TRDN: variants seen among roughly 807,000 people sequenced by gnomAD.
TRDN encodes triadin in skeletal muscle.
Under a neutral mutation model 149.7 loss-of-function variants are expected in TRDN, and 161 were observed. That is an observed-to-expected ratio of 1.08 (90% CI 0.95 to 1.23). TRDN has a LOEUF of 1.23. TRDN is among the 50% of genes most tolerant of loss of function. The pLI is 0.00. For synonymous variants in TRDN, 294 were observed against 250.5 expected (o/e 1.17, Z -1.64); for missense variants, 896 against 823.5 (o/e 1.09, Z -1.08).
At chr6:123,338,598 A>G (rs1779957024) in intron 21 of TRDN, among the ~76,000 whole-genome samples, 3 of 152,284 alleles carry the variant, frequency 2.0e-5, no homozygotes, top group Non-Finnish European at 4.4e-5. Context: ...CTTCACATCC[A>G]GGAGTCAGTG....
intron 20 of TRDN, 67 bp from the exon 21 acceptor site, chr6:123,352,653 C>T (rs1191580186): frequency 6.5e-7 from 1 of 1,536,540 alleles, no homozygotes; most frequent in Admixed American, 2.3e-5. Context: ...TCAAAAAAAG[C>T]ATTTTGGAGT....
At chr6:123,254,032 C>A (rs73549394) in intron 37 of TRDN, among the ~76,000 whole-genome samples, 3,053 of 152,134 alleles carry the variant, frequency 0.02, 89 homozygotes, top group South Asian at 0.077. Context: ...GTTAGATTTT[C>A]TCTTATTGCA....
At chr6:123,495,118 C>G (rs903108366) in intron 9 of TRDN, among the ~76,000 whole-genome samples, 2 of 152,180 alleles carry the variant, frequency 1.3e-5, no homozygotes, top group Admixed American at 1.3e-4. Flanking sequence ...GCCATCATAG[C>G]TCACACACCC....
At chr6:123,442,667 G>A (rs552623460) in intron 10 of TRDN, among the ~76,000 whole-genome samples, 2 of 150,910 alleles carry the variant, frequency 1.3e-5, no homozygotes, top group East Asian at 3.9e-4. Flanking sequence ...ATAATGACAA[G>A]CTATTACTAT....
chr6:123,603,247 G>A (rs1329979133), intron 1 of TRDN, among the ~76,000 whole-genome samples: 3 of 97,682 alleles, frequency 3.1e-5, no homozygotes, highest in Non-Finnish European at 5.3e-5. Context: ...TTATCTCAGA[G>A]GCCACAGGAA....
intron 23 of TRDN, among the ~76,000 whole-genome samples, chr6:123,325,219 A>C (rs1347084084): frequency 1.3e-5 from 2 of 152,128 alleles, no homozygotes; most frequent in South Asian, 4.2e-4. Flanking sequence ...TTCAGCATAA[A>C]AATCTTGGCT....
intron 14 of TRDN, among the ~76,000 whole-genome samples, chr6:123,385,434 A>G (rs57493646): frequency 0.6 from 83,760 of 139,860 alleles, 24,680 homozygotes; most frequent in Middle Eastern, 0.7. Context: ...AAAAAAAAAA[A>G]GAAAAAAAAA....
chr6:123,285,193 C>G (rs370692663), intron 24 of TRDN, among the ~76,000 whole-genome samples: 8 of 151,768 alleles, frequency 5.3e-5, no homozygotes, highest in African/African-American at 1.9e-4. Flanking sequence ...AAAAAAAATC[C>G]TAGAATTCAT....
At chr6:123,476,704 A>G (rs903534102) in intron 9 of TRDN, among the ~76,000 whole-genome samples, 3 of 147,328 alleles carry the variant, frequency 2.0e-5, no homozygotes, top group East Asian at 2.1e-4. Context: ...ACTGGTACCA[A>G]AACAGAGATA....
rs77864630 is a variant in TRDN, at chr6:123,550,987, A to G, written c.233-2375T>C. Among the ~76,000 whole-genome samples the G allele has an allele frequency of 2.7e-3, 410 of 151,782 alleles. 5 individuals carry two copies. The highest frequency in any genetic ancestry group is 9.6e-3 in the African/African-American group (396 of 41,374). ...AAAAGAATCATATGTAAGGAACTGG[A>G]TTGTTCTGGCACCATTAAAGGCATT... On this transcript the variant is annotated intron_variant, in intron 2 of 40. Coordinates refer to ENST00000334268, the MANE Select transcript of TRDN (RefSeq NM_006073.4).
chr6:123,223,517 A>G (rs910386391), intron 39 of TRDN, among the ~76,000 whole-genome samples: 1 of 151,802 alleles, frequency 6.6e-6, no homozygotes, highest in Non-Finnish European at 1.5e-5. Flanking sequence ...TCAGAAAAAA[A>G]ATCAAGTTAG....
chr6:123,464,166 A>G (rs892298809), intron 10 of TRDN: 28 of 732,416 alleles, frequency 3.8e-5, no homozygotes, highest in South Asian at 6.2e-5. Flanking sequence ...CTGAATCCCC[A>G]GTATTTTGGA....
intron 25 of TRDN, 140 bp from the exon 26 acceptor site, chr6:123,278,487 T>C: frequency 2.0e-6 from 1 of 509,034 alleles, no homozygotes; most frequent in Non-Finnish European, 3.0e-6. Context: ...GAAAAGTTCA[T>C]GTCATATTAA....
At chr6:123,438,623 ATTAG>A (rs1774716584) in intron 11 of TRDN, among the ~76,000 whole-genome samples, 1 of 152,138 alleles carries the variant, frequency 6.6e-6, no homozygotes, top group South Asian at 2.1e-4. Flanking sequence ...ATTAGACTGA[ATTAG>A]TTAAATAGTA....
At chr6:123,565,787 G>C (rs921079059) in intron 2 of TRDN, among the ~76,000 whole-genome samples, 10 of 152,186 alleles carry the variant, frequency 6.6e-5, no homozygotes, top group African/African-American at 1.7e-4. Flanking sequence ...CCAAATCCTG[G>C]CCAGGTGCGC....
At chr6:123,307,866 C>G (rs1454350096) in intron 24 of TRDN, among the ~76,000 whole-genome samples, 1 of 151,912 alleles carries the variant, frequency 6.6e-6, no homozygotes, top group African/African-American at 2.4e-5. Flanking sequence ...ATAATTTCAA[C>G]TTTTATTTTA....
At chr6:123,385,223 C>T (rs780020613) in intron 14 of TRDN, among the ~76,000 whole-genome samples, 7 of 151,884 alleles carry the variant, frequency 4.6e-5, no homozygotes, top group African/African-American at 1.7e-4. Context: ...GTCAGGAGAT[C>T]GAGACCATCC....
chr6:123,529,180 C>G, intron 5 of TRDN: 1 of 1,545,766 alleles, frequency 6.5e-7, no homozygotes, highest in Non-Finnish European at 8.7e-7. Context: ...CAGCAGGGAC[C>G]CAAATGGTGT....
At chr6:123,382,439 G>C (rs1781757398) in intron 14 of TRDN, among the ~76,000 whole-genome samples, 1 of 151,526 alleles carries the variant, frequency 6.6e-6, no homozygotes, top group South Asian at 2.1e-4. Context: ...AATTTATAAA[G>C]AAATTTTGTT....
Sources: allele counts gnomAD v4.1 joint callset (sites outside exome capture counted in the v4.1 genomes callset), GRCh38; gene constraint gnomAD v4.1.1; transcripts MANE v1.5; gene names NCBI Gene and HGNC (gene_info 2026-07-23, HGNC 2026-07-21).